The following PRIM2 variants were observed in gnomAD, a reference collection of about 807,000 sequenced individuals.
The protein encoded by PRIM2 is DNA primase large subunit.
A neutral mutation model predicts 67.3 loss-of-function variants in PRIM2; 39 were observed. That is an observed-to-expected ratio of 0.58 (90% CI 0.45 to 0.76). The LOEUF (loss-of-function observed/expected upper bound fraction) is 0.76. Among genes scored for constraint, PRIM2 ranks in the 30% least tolerant of loss-of-function variants. PRIM2 has a pLI of 0.00. For synonymous variants in PRIM2, 143 were observed against 198.7 expected (o/e 0.72, Z 2.36); for missense variants, 398 against 598.7 (o/e 0.66, Z 3.50).
At chr6:57,582,700 GCC>G (rs1267279695) in intron 10 of PRIM2, among the ~76,000 whole-genome samples, 2 of 152,012 alleles carry the variant, frequency 1.3e-5, no homozygotes, top group Non-Finnish European at 1.5e-5. Flanking sequence ...TGGGGAAGCA[GCC>G]TGTAGTTGAA....
At chr6:57,342,387 A>G (rs1768523200) in intron 5 of PRIM2, among the ~76,000 whole-genome samples, 2 of 152,200 alleles carry the variant, frequency 1.3e-5, no homozygotes, top group South Asian at 4.1e-4. Flanking sequence ...CCTTGGTCAC[A>G]TTAAAGGTGA....
intron 8 of PRIM2, among the ~76,000 whole-genome samples, chr6:57,515,169 C>G (rs1774456603): frequency 6.6e-6 from 1 of 151,956 alleles, no homozygotes; most frequent in Non-Finnish European, 1.5e-5. Flanking sequence ...ATTTTCATGA[C>G]TCCAATTTTA....
Position 57,479,164 on chromosome 6 carries a change from T to G in PRIM2, c.694-28223T>G, listed in dbSNP as rs1268606889. Among the ~76,000 whole-genome samples, 139 of 152,262 alleles carry G rather than the reference T, an allele frequency of 9.1e-4. 1 individual carries two copies. The highest frequency in any genetic ancestry group is 3.2e-3 in the African/African-American group (132 of 41,566). ...TCCACCTAAAAAAAGAAAAAAGGAT[T>G]TATTACAGTCATTCCGTATAATTTT... On this transcript the variant is annotated intron_variant, in intron 7 of 13. Coordinates refer to ENST00000615550, the MANE Select transcript of PRIM2 (RefSeq NM_000947.5).
intron 12 of PRIM2, among the ~76,000 whole-genome samples, chr6:57,611,081 AT>A (rs1414274003): frequency 6.6e-6 from 1 of 152,252 alleles, no homozygotes; most frequent in Non-Finnish European, 1.5e-5. Flanking sequence ...AATGTAAAAA[AT>A]CTCAAAGAAC....
the PRIM2 span, among the ~76,000 whole-genome samples, chr6:57,265,081 T>C: frequency 1.5e-4 from 23 of 152,230 alleles, no homozygotes; most frequent in Non-Finnish European, 2.9e-4. Flanking sequence ...ATTTGTAAGC[T>C]GTACAGTGCT....
chr6:57,238,222 A>T, the PRIM2 span, among the ~76,000 whole-genome samples: 7 of 152,226 alleles, frequency 4.6e-5, no homozygotes, highest in African/African-American at 4.8e-5. Context: ...CCTAATAGAC[A>T]TCTACAGAAC....
At chr6:57,331,092 G>A (rs1768043476) in intron 5 of PRIM2, among the ~76,000 whole-genome samples, 1 of 151,864 alleles carries the variant, frequency 6.6e-6, no homozygotes, top group South Asian at 2.1e-4. Context: ...GGAGGCTGAG[G>A]CAGTAGAATT....
chr6:57,644,347 G>A (rs1156805200), intron 13 of PRIM2, among the ~76,000 whole-genome samples: 3 of 151,806 alleles, frequency 2.0e-5, no homozygotes, highest in South Asian at 4.2e-4. Flanking sequence ...CTTTCCAGAC[G>A]CAACTCAAAT....
intron 7 of PRIM2, among the ~76,000 whole-genome samples, chr6:57,461,916 C>G (rs1773019387): frequency 6.6e-6 from 1 of 152,182 alleles, no homozygotes; most frequent in South Asian, 2.1e-4. Flanking sequence ...GGCTCTGGGA[C>G]CAGACTATGT....
chr6:57,549,328 C>T (rs1775353987), intron 10 of PRIM2, among the ~76,000 whole-genome samples: 1 of 152,156 alleles, frequency 6.6e-6, no homozygotes. Context: ...ATGTGTTTTC[C>T]TCAGGCAGCA....
chr6:57,555,867 A>G (rs1368427263), intron 10 of PRIM2, among the ~76,000 whole-genome samples: 2 of 152,212 alleles, frequency 1.3e-5, no homozygotes, highest in African/African-American at 2.4e-5. Flanking sequence ...TAATTATTCT[A>G]CTTGAGCCCT....
At chr6:57,382,297 A>G (rs938592393) in intron 7 of PRIM2, 129 bp downstream of exon 7, 75 of 1,104,470 alleles carry the variant, frequency 6.8e-5, no homozygotes, top group Non-Finnish European at 8.9e-5. Context: ...CAGATTACAT[A>G]TGATGTTGTA....
chr6:57,326,865 G>T (rs1767879291), intron 5 of PRIM2, among the ~76,000 whole-genome samples: 1 of 151,488 alleles, frequency 6.6e-6, no homozygotes, highest in Non-Finnish European at 1.5e-5. Flanking sequence ...CATTTAATGG[G>T]GATGAGTATT....
At chr6:57,446,045 A>C (rs1772353458) in intron 7 of PRIM2, among the ~76,000 whole-genome samples, 1 of 152,254 alleles carries the variant, frequency 6.6e-6, no homozygotes, top group Admixed American at 6.5e-5. Flanking sequence ...CAGCTTCTTC[A>C]GAATACACAG....
At chr6:57,346,255 CT>C (rs1440279267) in intron 5 of PRIM2, among the ~76,000 whole-genome samples, 1 of 152,036 alleles carries the variant, frequency 6.6e-6, no homozygotes, top group East Asian at 1.9e-4. Flanking sequence ...CTACTAGAGT[CT>C]TTTGGCAGTG....
At chr6:57,242,559 A>C in the PRIM2 span, among the ~76,000 whole-genome samples, 1 of 152,234 alleles carries the variant, frequency 6.6e-6, no homozygotes, top group Non-Finnish European at 1.5e-5. Flanking sequence ...ATGGTTACCA[A>C]ATCAGAAGGA....
intron 7 of PRIM2, among the ~76,000 whole-genome samples, chr6:57,396,401 A>G (rs1770516709): frequency 6.6e-6 from 1 of 152,186 alleles, no homozygotes; most frequent in African/African-American, 2.4e-5. Flanking sequence ...ACCATTCTAT[A>G]ATGTCCCTGT....
chr6:57,605,407 G>A (rs1776542548), intron 11 of PRIM2, among the ~76,000 whole-genome samples: 2 of 152,058 alleles, frequency 1.3e-5, no homozygotes, highest in Non-Finnish European at 2.9e-5. Flanking sequence ...CTGGTCCAGG[G>A]CTTTTTCTGG....
chr6:57,422,358 A>C (rs1403067423), intron 7 of PRIM2, among the ~76,000 whole-genome samples: 1 of 151,658 alleles, frequency 6.6e-6, no homozygotes, highest in Admixed American at 6.6e-5. Context: ...GCTGGTCTTG[A>C]ACTCCTGACC....
Sources: allele counts gnomAD v4.1 joint callset (sites outside exome capture counted in the v4.1 genomes callset), GRCh38; gene constraint gnomAD v4.1.1; transcripts MANE v1.5; gene names NCBI Gene and HGNC (gene_info 2026-07-23, HGNC 2026-07-21).